PSG5: variants seen among roughly 807,000 people sequenced by gnomAD.
PSG5 encodes pregnancy-specific beta-1-glycoprotein 5.
A neutral mutation model predicts 37.7 loss-of-function variants in PSG5; 53 were observed. The ratio of observed to expected loss-of-function variants is 1.41; its 90% confidence interval spans 1.13 to 1.77. The LOEUF (loss-of-function observed/expected upper bound fraction) is 1.77. PSG5 is among the 40% of genes most tolerant of loss of function. The pLI is 0.00. For missense variants in PSG5, 547 were observed against 405.2 expected, an observed-to-expected ratio of 1.35 and a Z score of -3.00; for synonymous variants, 221 against 155.4, an observed-to-expected ratio of 1.42 and a Z score of -3.14.
chr19:43,184,956 C>A lies in PSG5; in HGVS notation c.256G>T (p.Gly86Cys), dbSNP rs776135116. 6 of 1,612,188 alleles carry A rather than the reference C, an allele frequency of 3.7e-6. No homozygotes were observed. The African/African-American group carries it at 4.0e-5, about 11-fold the overall frequency. Residue 86 changes from glycine to cysteine, a missense_variant, in exon 2 of 6, where the codon GGT becomes TGT. By Grantham distance (159) the Gly-to-Cys change is radical. Transcript: ENST00000342951. ...GCAGGCCCATATATATTTATTTGAC[C>A]GTCTACTACATATGATGTAATGTAA... ...YHYITSYVVDGQINIYGPAYT... is the reference protein window; with the variant it reads ...YHYITSYVVDCQINIYGPAYT...
chr19:43,175,826 T>C, intron 3 of PSG5, 44 bp downstream of exon 3: 1 of 1,560,626 alleles, frequency 6.4e-7, no homozygotes, highest in South Asian at 1.1e-5. Flanking sequence ...GTCATTTAGA[T>C]TTAAGCTGGT....
rs1005833777 is a variant in PSG5 at position 43,182,151 on chromosome 19, C to A, written c.430+2631G>T. 1.3e-5 allele frequency among the ~76,000 whole-genome samples: 2 copies of A among 151,696 alleles called. 1 individual carries two copies. Among genetic ancestry groups the A allele is most frequent in the Non-Finnish European group, 2.9e-5 (2 of 67,942 alleles). ...TGGTTTGACTTTGAAGCAAGAATCA[C>A]AAAACTTCCTCCATGAAACTAACAA... On this transcript the variant is annotated intron_variant, in intron 2 of 5. Coordinates refer to ENST00000342951, the MANE Select transcript of PSG5 (RefSeq NM_002781.4).
chr19:43,172,010 A>G (rs1008974572), intron 4 of PSG5, among the ~76,000 whole-genome samples: 7 of 150,402 alleles, frequency 4.7e-5, no homozygotes, highest in South Asian at 2.1e-4. Context: ...AAAAAGAAAG[A>G]AAGAAAAATG....
rs896877641 is a variant in PSG5 at position 43,175,003 on chromosome 19, T to C, written c.964+212A>G. The C allele has an allele frequency of 3.5e-6, 5 of 1,442,818 alleles. No individual in the cohort carries two copies. The South Asian group carries it at 4.3e-5, about 12-fold the overall frequency. The allele number at this position is 1,442,818 out of a possible 1,614,324, so 89.4% of individuals were successfully genotyped here. On this transcript the variant is annotated intron_variant, in intron 4 of 5. Coordinates refer to ENST00000342951, the MANE Select transcript of PSG5 (RefSeq NM_002781.4). ...GATAAAGCCCCCTCCCTAACTTTCT[T>C]AGGCCAGACACAAGGTCAGCCATGA...
intron 4 of PSG5, among the ~76,000 whole-genome samples, chr19:43,173,297 A>C (rs1336553862): frequency 3.3e-5 from 5 of 151,758 alleles, no homozygotes; most frequent in Admixed American, 2.0e-4. Context: ...ACTGGATTTC[A>C]CAATGATTTC....
chr19:43,172,129 C>T (rs1968920272), intron 4 of PSG5, among the ~76,000 whole-genome samples: 1 of 151,112 alleles, frequency 6.6e-6, no homozygotes, highest in African/African-American at 2.4e-5. Context: ...CCTAGAAACA[C>T]ACAAAAATAT....
intron 4 of PSG5, 152 bp from the exon 5 acceptor site, chr19:43,170,290 T>G: frequency 1.2e-6 from 1 of 829,980 alleles, no homozygotes; most frequent in Non-Finnish European, 1.8e-6. Context: ...GATGATTATA[T>G]TCTTGCAGTT....
intron 2 of PSG5, among the ~76,000 whole-genome samples, chr19:43,176,754 G>C (rs2355437): frequency 0.21 from 31,519 of 150,048 alleles, 3,914 homozygotes; most frequent in Non-Finnish European, 0.26. Context: ...TGTTTTGCAG[G>C]TGTTTCATGA....
At chr19:43,182,937 C>G (rs986887245) in intron 2 of PSG5, among the ~76,000 whole-genome samples, 2 of 149,382 alleles carry the variant, frequency 1.3e-5, no homozygotes, top group African/African-American at 5.0e-5. Context: ...TGCACCTTTC[C>G]TATTTCCTGG....
In PSG5 at chr19:43,167,969, AT is replaced by A; in HGVS notation, c.*274del. 2.5e-6 allele frequency: 1 copy of A among 404,234 alleles called. No individual in the cohort carries two copies. Among genetic ancestry groups the A allele is most frequent in the Non-Finnish European group, 4.6e-6 (1 of 219,544 alleles). The allele number at this position is 404,234 out of a possible 1,614,324, so 25.0% of individuals were successfully genotyped here. On this transcript the variant is annotated 3_prime_UTR_variant, in exon 6 of 6. Transcript: ENST00000342951. ...AAATTATGAAAACATTATGCTTTTGATTATTTAGTCCAATAACATGGAGTTT... is the reference window on the plus strand; with the variant it reads ...AAATTATGAAAACATTATGCTTTTGATATTTAGTCCAATAACATGGAGTTT...
At chr19:43,178,734 G>T in intron 2 of PSG5, 2 of 1,567,256 alleles carry the variant, frequency 1.3e-6, no homozygotes, top group Non-Finnish European at 1.7e-6. Context: ...ACTCTGTTTT[G>T]CCTGGGGCAG....
chr19:43,171,819 C>A (rs1435858361), intron 4 of PSG5, among the ~76,000 whole-genome samples: 2 of 150,524 alleles, frequency 1.3e-5, no homozygotes, highest in Non-Finnish European at 3.0e-5. Context: ...ATATAAAAAA[C>A]CAATTAACTG....
chr19:43,184,696 C>T (rs1969204426), intron 2 of PSG5, 86 bp downstream of exon 2: 1 of 1,595,600 alleles, frequency 6.3e-7, no homozygotes, highest in Non-Finnish European at 8.6e-7. Context: ...GGGACACAGG[C>T]ACAGTGCAGG....
intron 2 of PSG5, among the ~76,000 whole-genome samples, chr19:43,183,000 G>A (rs1055552064): frequency 6.6e-6 from 1 of 150,840 alleles, no homozygotes; most frequent in Non-Finnish European, 1.5e-5. Flanking sequence ...AGCCAGCCTA[G>A]TTAGAGGGAG....
intron 3 of PSG5, 119 bp downstream of exon 3, chr19:43,175,751 T>A (rs925002063): frequency 1.3e-6 from 2 of 1,541,572 alleles, no homozygotes; most frequent in Non-Finnish European, 1.8e-6. Flanking sequence ...CATGGCCAGC[T>A]CAGATGTCCA....
intron 2 of PSG5, among the ~76,000 whole-genome samples, chr19:43,183,810 C>T (rs1264966526): frequency 2.0e-5 from 3 of 151,438 alleles, no homozygotes; most frequent in African/African-American, 7.3e-5. Context: ...CTCATGTGAC[C>T]CTGATCTCCC....
At chr19:43,177,779 A>G (rs1057479484) in intron 2 of PSG5, among the ~76,000 whole-genome samples, 9 of 151,578 alleles carry the variant, frequency 5.9e-5, no homozygotes, top group Non-Finnish European at 1.0e-4. Context: ...TTCTGGTAGG[A>G]GTTGCACTGT....
chr19:43,170,587 GCTT>G, intron 4 of PSG5: 1 of 317,806 alleles, frequency 3.1e-6, no homozygotes, highest in Admixed American at 3.6e-5. Context: ...TGCACAGAAA[GCTT>G]CTTTCCCACA....
chr19:43,170,507 C>G, intron 4 of PSG5: 1 of 449,444 alleles, frequency 2.2e-6, no homozygotes, highest in Non-Finnish European at 4.4e-6. Flanking sequence ...GAGACTCTGT[C>G]AGGTCTCCAT....
Sources: gnomAD v4.1 joint callset for allele counts (sites outside exome capture counted in the v4.1 genomes callset) on GRCh38, gnomAD v4.1.1 for gene constraint, MANE v1.5 for transcripts, NCBI Gene and HGNC (gene_info 2026-07-23, HGNC 2026-07-21) for gene names.